Variants in ADGRA1 observed in about 807,000 individuals in gnomAD.
The protein encoded by ADGRA1 is G-protein coupled receptor 123.
A neutral mutation model predicts 21.3 loss-of-function variants in ADGRA1; 12 were observed. The observed-to-expected ratio is 0.56, with a 90% CI of 0.36 to 0.91. The LOEUF is 0.91. Among genes scored for constraint, ADGRA1 ranks in the 40% least tolerant of loss-of-function variants. ADGRA1 has a pLI of 0.01. For synonymous variants in ADGRA1, 385 were observed against 368.8 expected (o/e 1.04, Z -0.50); for missense variants, 790 against 805.6 (o/e 0.98, Z 0.23).
At chr10:133,105,184 C>G (rs111610012) in intron 5 of ADGRA1, among the ~76,000 whole-genome samples, 1 of 152,220 alleles carries the variant, frequency 6.6e-6, no homozygotes, top group Non-Finnish European at 1.5e-5. Flanking sequence ...CCAGGCAGCA[C>G]GTCGCCCACA....
At chr10:133,097,407 G>A (rs550629525) in intron 3 of ADGRA1, among the ~76,000 whole-genome samples, 7 of 152,322 alleles carry the variant, frequency 4.6e-5, no homozygotes, top group African/African-American at 1.4e-4. Context: ...TGTGGTGTCC[G>A]TCCAGGCACC....
At chr10:133,102,166 G>T in intron 4 of ADGRA1, 1 of 452,302 alleles carries the variant, frequency 2.2e-6, no homozygotes, top group Non-Finnish European at 4.5e-6. Context: ...TGCCGGCCCC[G>T]TGGGGGGCTC....
At chr10:133,095,613 T>G in intron 2 of ADGRA1, 1 of 1,566,404 alleles carries the variant, frequency 6.4e-7, no homozygotes, top group Non-Finnish European at 8.6e-7. Context: ...GGGCCCTATT[T>G]CGGGCTTTGA....
At chr10:133,106,070 G>A (rs767965274) in intron 5 of ADGRA1, among the ~76,000 whole-genome samples, 11 of 152,230 alleles carry the variant, frequency 7.2e-5, no homozygotes, top group East Asian at 1.9e-4. Context: ...CTCCCACCCC[G>A]GTTAGGAGGC....
rs141411367 is a variant in ADGRA1 at position 133,089,144 on chromosome 10, G to T, written c.3+232G>T. The T allele has an allele frequency of 9.3e-3, 6,250 of 672,340 alleles. 43 individuals are homozygous for T. The highest frequency in any genetic ancestry group is 0.011 in the Non-Finnish European group (5,308 of 475,658). The allele number at this position is 672,340 out of a possible 1,614,324, so 41.6% of individuals were successfully genotyped here. ...TGGGTGCTGATCATACTAATGAGTT[G>T]CAGGCATATGGCAATGTGGAATCAT... On this transcript the variant is annotated intron_variant, in intron 2 of 6. Coordinates refer to ENST00000392607, the MANE Select transcript of ADGRA1 (RefSeq NM_001083909.3).
chr10:133,101,180 A>G (rs1390737083), intron 4 of ADGRA1, among the ~76,000 whole-genome samples: 2 of 152,210 alleles, frequency 1.3e-5, no homozygotes, highest in African/African-American at 4.8e-5. Context: ...CATATGGGCC[A>G]GTGGTGGCTG....
At chr10:133,118,708 A>G (rs1852200418) in intron 5 of ADGRA1, among the ~76,000 whole-genome samples, 1 of 152,160 alleles carries the variant, frequency 6.6e-6, no homozygotes. Context: ...CCCTCAACAC[A>G]TGGGGATTAT....
intron 4 of ADGRA1, among the ~76,000 whole-genome samples, chr10:133,101,548 C>T (rs1037756994): frequency 2.0e-5 from 3 of 152,210 alleles, no homozygotes; most frequent in Non-Finnish European, 1.5e-5. Flanking sequence ...GCACATGGCA[C>T]GGGTGAGGCT....
chr10:133,106,208 G>C (rs901977530), intron 5 of ADGRA1, among the ~76,000 whole-genome samples: 9 of 152,208 alleles, frequency 5.9e-5, no homozygotes, highest in African/African-American at 1.9e-4. Context: ...ACTGGAGCCT[G>C]AGGGGGGCGC....
At position 133,129,194 on chromosome 10, in the gene ADGRA1, C is replaced by G; in HGVS notation, c.1366C>G (p.Pro456Ala). The G allele has an allele frequency of 3.2e-6, 5 of 1,550,396 alleles. No individual in the cohort carries two copies. Among genetic ancestry groups the G allele is most frequent in the Non-Finnish European group, 3.5e-6 (4 of 1,147,004 alleles). ...GSPRSSRTDS[P>A]PSSLDGPAGT... The stretch of plus-strand genomic sequence containing the variant: ...CCCCCGCAGCTCGCGCACAGACAGC[C>G]CCCCCAGCTCTCTGGATGGCCCGGC... Residue 456 changes from proline to alanine, a missense_variant, in exon 7 of 7, where the codon CCC becomes GCC. Physicochemically the swap from Pro to Ala is conservative, Grantham distance 27. Around this residue, in one of 3 missense-constraint regions of ADGRA1, gnomAD observed 391 missense variants for 351.5 expected, o/e 1.11. Transcript: ENST00000392607.
chr10:133,095,631 C>T (rs1191591460), intron 2 of ADGRA1: 2 of 1,584,134 alleles, frequency 1.3e-6, no homozygotes, highest in Non-Finnish European at 1.7e-6. Flanking sequence ...TGACTGTCAG[C>T]CAGTCCCTTG....
chr10:133,129,014 G>T lies in ADGRA1; in HGVS notation c.1186G>T (p.Glu396Ter). 1 of 1,567,052 alleles carries T rather than the reference G, an allele frequency of 6.4e-7. No homozygotes were observed. The highest frequency in any genetic ancestry group is 8.7e-7 in the Non-Finnish European group (1 of 1,155,676). Residue 396 changes from glutamate (E) to a stop codon, truncating the protein, a stop_gained, in exon 7 of 7, where the codon GAG becomes TAG. Coordinates refer to ENST00000392607, the MANE Select transcript of ADGRA1 (RefSeq NM_001083909.3). LOFTEE classifies it low-confidence loss of function (END_TRUNC). The part of the protein sequence containing the change: ...KMHCEPLTAD[E>*]AHVHLQEEGA... ...GCACTGCGAGCCACTGACGGCGGAC[G>T]AGGCGCACGTGCACCTGCAGGAGGA... is the stretch of plus-strand genomic sequence containing the variant.
chr10:133,103,660 C>T (rs113142223), intron 5 of ADGRA1, among the ~76,000 whole-genome samples: 2 of 152,344 alleles, frequency 1.3e-5, no homozygotes, highest in African/African-American at 4.8e-5. Context: ...ACGTCCACGT[C>T]TGGGAGGTGG....
intron 2 of ADGRA1, 129 bp downstream of exon 2, chr10:133,089,041 C>T: frequency 8.1e-7 from 1 of 1,234,112 alleles, no homozygotes; most frequent in Non-Finnish European, 1.0e-6. Context: ...CTTCCGGGCT[C>T]AGTGCCGGGG....
chr10:133,117,934 CCT>C (rs1217645538), intron 5 of ADGRA1, among the ~76,000 whole-genome samples: 5 of 152,242 alleles, frequency 3.3e-5, no homozygotes, highest in Admixed American at 1.3e-4. Flanking sequence ...TGGTCGTCCC[CCT>C]GTCTGGGACA....
intron 5 of ADGRA1, among the ~76,000 whole-genome samples, chr10:133,123,502 C>G (rs1033175311): frequency 1.3e-5 from 2 of 152,194 alleles, no homozygotes; most frequent in African/African-American, 2.4e-5. Flanking sequence ...CCAGTCACCC[C>G]CTGTGAGCAG....
At chr10:133,100,330 G>A (rs1386099958) in intron 4 of ADGRA1, among the ~76,000 whole-genome samples, 1 of 152,260 alleles carries the variant, frequency 6.6e-6, no homozygotes, top group Non-Finnish European at 1.5e-5. Flanking sequence ...TTGACGTCCC[G>A]CCTGTAAGTG....
In ADGRA1 at chr10:133,088,789, C is replaced by T; in HGVS notation, c.-121C>T. 8.1e-7 allele frequency: 1 copy of T among 1,232,558 alleles called. No homozygotes were observed. The highest frequency in any genetic ancestry group is 1.0e-6 in the Non-Finnish European group (1 of 987,824). The allele number at this position is 1,232,558 out of a possible 1,614,324, so 76.4% of individuals were successfully genotyped here. On this transcript the variant is annotated 5_prime_UTR_variant, in exon 2 of 7. Transcript: ENST00000392607. ...CCCGGGAGCGCGACCTCCTGGCCGC[C>T]GTCTGGGACTTTGACCTTCCAGAGG...
At chr10:133,109,630 C>T (rs760658475) in intron 5 of ADGRA1, among the ~76,000 whole-genome samples, 29 of 152,304 alleles carry the variant, frequency 1.9e-4, no homozygotes, top group Non-Finnish European at 3.2e-4. Context: ...CCGGTGCCCA[C>T]CTCCTATTGC....
Sources: allele counts gnomAD v4.1 joint callset (sites outside exome capture counted in the v4.1 genomes callset), GRCh38; gene constraint gnomAD v4.1.1; regional missense constraint gnomAD v4.1.1; transcripts MANE v1.5; gene names NCBI Gene and HGNC (gene_info 2026-07-23, HGNC 2026-07-21).